ARMH3: variants seen among roughly 807,000 people sequenced by gnomAD.
The protein encoded by ARMH3 is armadillo-like helical domain-containing protein 3.
Under a neutral mutation model 99.1 loss-of-function variants are expected in ARMH3, and 60 were observed. The observed-to-expected ratio is 0.61, with a 90% CI of 0.49 to 0.75. ARMH3 has a LOEUF of 0.75. ARMH3 is among the 30% of genes least tolerant of loss of function. ARMH3 has a pLI of 0.00. For missense variants in ARMH3, 679 were observed against 843.1 expected, an observed-to-expected ratio of 0.81 and a Z score of 2.41; for synonymous variants, 285 against 292.8, an observed-to-expected ratio of 0.97 and a Z score of 0.27.
intron 1 of ARMH3, among the ~76,000 whole-genome samples, chr10:102,054,608 A>C (rs2067790801): frequency 6.6e-6 from 1 of 152,142 alleles, no homozygotes; most frequent in Non-Finnish European, 1.5e-5. Flanking sequence ...AAATAATTCC[A>C]ATCCTGCTAA....
intron 1 of ARMH3, among the ~76,000 whole-genome samples, chr10:102,045,692 C>T (rs992224457): frequency 6.6e-6 from 1 of 152,118 alleles, no homozygotes; most frequent in Admixed American, 6.6e-5. Flanking sequence ...AAATATCCAT[C>T]AGCAGTAAAT....
At chr10:102,021,516 G>A (rs1006686145) in intron 8 of ARMH3, among the ~76,000 whole-genome samples, 4 of 151,678 alleles carry the variant, frequency 2.6e-5, no homozygotes, top group Non-Finnish European at 5.9e-5. Flanking sequence ...TCAAGTAGCT[G>A]AGACTACAGA....
intron 20 of ARMH3, among the ~76,000 whole-genome samples, chr10:101,958,625 C>T (rs1241223579): frequency 6.6e-6 from 1 of 152,144 alleles, no homozygotes; most frequent in African/African-American, 2.4e-5. Context: ...TGCAGGCAAT[C>T]TGTGGTCCTT....
chr10:102,032,320 A>G (rs2067150009), intron 4 of ARMH3, among the ~76,000 whole-genome samples: 1 of 152,188 alleles, frequency 6.6e-6, no homozygotes, highest in Admixed American at 6.6e-5. Flanking sequence ...AATTCAAGGA[A>G]TAGTTGTTGA....
At chr10:101,901,526 C>G (rs567400538) in intron 23 of ARMH3, among the ~76,000 whole-genome samples, 3 of 152,190 alleles carry the variant, frequency 2.0e-5, no homozygotes, top group South Asian at 2.1e-4. Flanking sequence ...TGGCGTTACT[C>G]GGCCCTAGCT....
At chr10:101,971,227 G>A (rs1372930828) in intron 20 of ARMH3, among the ~76,000 whole-genome samples, 3 of 151,936 alleles carry the variant, frequency 2.0e-5, no homozygotes, top group East Asian at 3.9e-4. Flanking sequence ...CTCAAGAAGT[G>A]CAAAGGAGAT....
chr10:102,036,052 G>A (rs554391353), intron 2 of ARMH3, among the ~76,000 whole-genome samples: 5 of 149,082 alleles, frequency 3.4e-5, no homozygotes, highest in East Asian at 2.0e-4. Flanking sequence ...GTCTCCGCCC[G>A]GCCGCCCCGT....
At chr10:102,036,032 G>A (rs1476282515) in intron 2 of ARMH3, among the ~76,000 whole-genome samples, 8 of 150,690 alleles carry the variant, frequency 5.3e-5, no homozygotes, top group Non-Finnish European at 8.9e-5. Flanking sequence ...CCGACTGGGA[G>A]GTGGGGAGCG....
Position 102,014,029 on chromosome 10 carries a change from TAA to T in ARMH3, c.670-7_670-6del. 1.2e-6 allele frequency: 2 copies of T among 1,607,516 alleles called. No homozygotes were observed. Among genetic ancestry groups the T allele is most frequent in the Non-Finnish European group, 1.7e-6 (2 of 1,176,404 alleles). On this transcript the variant is annotated splice_region_variant and splice_polypyrimidine_tract_variant and intron_variant, in intron 8 of 25. Coordinates refer to ENST00000370033, the MANE Select transcript of ARMH3 (RefSeq NM_024541.3). ...CACAATATAAGGATTCACAGACTGT[TAA>T]ATAAGAGAAGAGACTCCAGGTAAGT... is the stretch of plus-strand genomic sequence containing the variant.
chr10:102,033,474 G>A (rs1013576331), intron 2 of ARMH3, 135 bp from the exon 3 acceptor site: 9 of 972,294 alleles, frequency 9.3e-6, no homozygotes, highest in Admixed American at 2.9e-5. Context: ...CTGGAGTACA[G>A]TGGCGTGATC....
At chr10:102,008,949 T>C (rs527513727) in intron 13 of ARMH3, among the ~76,000 whole-genome samples, 1 of 152,190 alleles carries the variant, frequency 6.6e-6, no homozygotes, top group East Asian at 1.9e-4. Flanking sequence ...GCCAGGATAT[T>C]TTTTACTTTT....
At chr10:101,983,913 G>A (rs1846341377) in intron 19 of ARMH3, among the ~76,000 whole-genome samples, 2 of 152,182 alleles carry the variant, frequency 1.3e-5, no homozygotes, top group Non-Finnish European at 2.9e-5. Context: ...CGGTCCATCA[G>A]AAACACAGGC....
chr10:102,012,343 A>T (rs1195637328), intron 10 of ARMH3, among the ~76,000 whole-genome samples: 1 of 152,232 alleles, frequency 6.6e-6, no homozygotes, highest in Non-Finnish European at 1.5e-5. Context: ...GCATCAATGA[A>T]GGGAGCCCCC....
chr10:102,039,992 C>T (rs558152771), intron 2 of ARMH3, 21 bp downstream of exon 2: 19 of 1,596,768 alleles, frequency 1.2e-5, no homozygotes, highest in Non-Finnish European at 1.5e-5. Flanking sequence ...AAGCTGTACA[C>T]AACAAGGCCG....
At position 102,033,282 on chromosome 10, in the gene ARMH3, C is replaced by A; in HGVS notation, c.159+1G>T. On this transcript the variant is annotated splice_donor_variant, in intron 3 of 25. Coordinates refer to ENST00000370033, the MANE Select transcript of ARMH3 (RefSeq NM_024541.3). LOFTEE classifies it high-confidence loss of function. ...ATTCCACAGATGCCACCAACTCTTACCTTCATGAGAAAGAGCTCCTCCCAA... is the reference window on the plus strand; with the variant it reads ...ATTCCACAGATGCCACCAACTCTTAACTTCATGAGAAAGAGCTCCTCCCAA... The A allele has an allele frequency of 1.2e-6, 2 of 1,614,120 alleles. No individual in the cohort carries two copies. Among genetic ancestry groups the A allele is most frequent in the East Asian group, 4.5e-5 (2 of 44,888 alleles).
chr10:102,002,890 G>A (rs1236367923), intron 14 of ARMH3, among the ~76,000 whole-genome samples: 2 of 151,792 alleles, frequency 1.3e-5, no homozygotes, highest in East Asian at 3.9e-4. Flanking sequence ...GAAACCGGGA[G>A]GCGGAGGTTG....
intron 20 of ARMH3, among the ~76,000 whole-genome samples, chr10:101,970,341 T>C (rs1237951439): frequency 1.3e-5 from 2 of 152,206 alleles, no homozygotes; most frequent in African/African-American, 2.4e-5. Flanking sequence ...GCTGGCCCTA[T>C]CAAAGGTGAT....
At chr10:101,926,135 G>A (rs1044665824) in intron 23 of ARMH3, among the ~76,000 whole-genome samples, 4 of 152,112 alleles carry the variant, frequency 2.6e-5, no homozygotes, top group African/African-American at 9.7e-5. Context: ...TAGAAAAGAC[G>A]AGCTCTGGTA....
intron 2 of ARMH3, among the ~76,000 whole-genome samples, chr10:102,035,797 C>T (rs981731556): frequency 1.3e-5 from 2 of 152,182 alleles, no homozygotes; most frequent in African/African-American, 2.4e-5. Flanking sequence ...CCCAAAGTGC[C>T]GAGATTGCAG....
Sources: gnomAD v4.1 joint callset for allele counts (sites outside exome capture counted in the v4.1 genomes callset) on GRCh38, gnomAD v4.1.1 for gene constraint, MANE v1.5 for transcripts, NCBI Gene and HGNC (gene_info 2026-07-23, HGNC 2026-07-21) for gene names.